The following GLRX5 variants were observed in gnomAD, a reference collection of about 807,000 sequenced individuals.
GLRX5 encodes glutaredoxin 5.
A neutral mutation model predicts 13.8 loss-of-function variants in GLRX5; 10 were observed. The observed-to-expected ratio is 0.72, with a 90% CI of 0.45 to 1.23. The LOEUF is 1.23. Among genes scored for constraint, GLRX5 ranks in the 50% most tolerant of loss-of-function variants. The pLI is 0.00. For missense variants in GLRX5, 233 were observed against 215.2 expected, an observed-to-expected ratio of 1.08 and a Z score of -0.52; for synonymous variants, 98 against 101.1, an observed-to-expected ratio of 0.97 and a Z score of 0.18.
intron 1 of GLRX5, among the ~76,000 whole-genome samples, chr14:95,542,523 AT>A (rs1891489418): frequency 6.6e-6 from 1 of 152,240 alleles, no homozygotes; most frequent in South Asian, 2.1e-4. Context: ...TAAGAAAAAA[AT>A]AAATAGTATA....
intron 1 of GLRX5, among the ~76,000 whole-genome samples, chr14:95,538,695 C>A (rs1279379867): frequency 6.6e-6 from 1 of 152,146 alleles, no homozygotes; most frequent in Non-Finnish European, 1.5e-5. Context: ...TGCAAACTTA[C>A]CCTAGTAAAG....
intron 1 of GLRX5, 135 bp from the exon 2 acceptor site, chr14:95,543,812 C>T: frequency 1.3e-6 from 1 of 753,554 alleles, no homozygotes. Context: ...GTGGCAAGCA[C>T]AGTGTTCTCA....
chr14:95,543,860 G>A, intron 1 of GLRX5, 87 bp from the exon 2 acceptor site: 6 of 1,163,998 alleles, frequency 5.2e-6, no homozygotes, highest in Non-Finnish European at 7.8e-6. Context: ...TGGGTTGTCT[G>A]CTACTAGTGG....
chr14:95,544,267 T>C lies in GLRX5; in HGVS notation c.*142T>C. 1 of 700,296 alleles carries C rather than the reference T, an allele frequency of 1.4e-6. No individual in the cohort carries two copies. Among genetic ancestry groups the C allele is most frequent in the Non-Finnish European group, 2.6e-6 (1 of 386,672 alleles). 43.4% of individuals were successfully genotyped at this position (700,296 alleles called of 1,614,324 possible). ...ATTTTGGTTCGTGAGCAGTTGGTGA[T>C]TTTAGTTGGTCTGGTGTTCGGGCTA... On this transcript the variant is annotated 3_prime_UTR_variant, in exon 2 of 2. Transcript: ENST00000331334.
intron 1 of GLRX5, among the ~76,000 whole-genome samples, chr14:95,539,384 A>G (rs904828596): frequency 6.6e-6 from 1 of 152,210 alleles, no homozygotes; most frequent in Non-Finnish European, 1.5e-5. Context: ...TAGTCACATG[A>G]TGGAAAGCTA....
chr14:95,535,205 G>A lies in GLRX5; in HGVS notation c.116G>A (p.Gly39Asp). ...VRAAGSGAGGGGSAEQLDALV... is the reference protein window; with the variant it reads ...VRAAGSGAGGDGSAEQLDALV... The stretch of plus-strand genomic sequence containing the variant: ...GCGGCGGGCTCGGGCGCGGGCGGCG[G>A]CGGCTCGGCGGAGCAGTTGGACGCG... The change falls in exon 1 of 2, where the codon GGC (glycine) becomes GAC (aspartate). Residue 39 changes from glycine to aspartate, a missense_variant. By Grantham distance (94) the Gly-to-Asp change is moderately conservative. Transcript: ENST00000331334. The A allele has an allele frequency of 6.6e-7, 1 of 1,511,668 alleles. No homozygotes were observed. Among genetic ancestry groups the A allele is most frequent in the Non-Finnish European group, 8.9e-7 (1 of 1,129,834 alleles). 93.6% of individuals were successfully genotyped at this position (1,511,668 alleles called of 1,614,324 possible).
intron 1 of GLRX5, among the ~76,000 whole-genome samples, chr14:95,539,866 C>A (rs762850942): frequency 2.7e-5 from 4 of 149,828 alleles, no homozygotes; most frequent in Non-Finnish European, 5.9e-5. Context: ...ACTCAGTAAT[C>A]CTTAACTCAA....
chr14:95,537,414 G>A (rs74765898), intron 1 of GLRX5, among the ~76,000 whole-genome samples: 8,634 of 152,200 alleles, frequency 0.057, 281 homozygotes, highest in South Asian at 0.12. Flanking sequence ...GTTAATAAAC[G>A]CGTTGCATAT....
At chr14:95,538,289 G>A (rs551454850) in intron 1 of GLRX5, among the ~76,000 whole-genome samples, 4 of 152,110 alleles carry the variant, frequency 2.6e-5, no homozygotes, top group East Asian at 3.9e-4. Flanking sequence ...CAAACTCTGC[G>A]GCCTTAAAGG....
At chr14:95,535,732 G>A (rs1039949338) in intron 1 of GLRX5, among the ~76,000 whole-genome samples, 6 of 152,190 alleles carry the variant, frequency 3.9e-5, no homozygotes, top group Non-Finnish European at 8.8e-5. Flanking sequence ...CTGCCTGACT[G>A]CTCTGCACGG....
chr14:95,535,823 C>G (rs1226262323), intron 1 of GLRX5, among the ~76,000 whole-genome samples: 1 of 152,100 alleles, frequency 6.6e-6, no homozygotes, highest in Admixed American at 6.5e-5. Context: ...CATTGGCCTA[C>G]TCGTGGGTAA....
At chr14:95,538,185 G>T (rs1223430566) in intron 1 of GLRX5, among the ~76,000 whole-genome samples, 1 of 151,988 alleles carries the variant, frequency 6.6e-6, no homozygotes, top group Non-Finnish European at 1.5e-5. Flanking sequence ...TTATGCCACT[G>T]CCTGTGGTGC....
At chr14:95,541,540 A>T (rs1891473077) in intron 1 of GLRX5, among the ~76,000 whole-genome samples, 1 of 152,216 alleles carries the variant, frequency 6.6e-6, no homozygotes, top group Non-Finnish European at 1.5e-5. Context: ...GCTGTCAAGA[A>T]CAGGCAGGTG....
rs747574945 is a variant in GLRX5, at chr14:95,544,151, A to G, written c.*26A>G. 1.8e-5 allele frequency: 29 copies of G among 1,601,722 alleles called. No homozygotes were observed. Among genetic ancestry groups the G allele is most frequent in the Non-Finnish European group, 2.4e-5 (28 of 1,170,348 alleles). ...GGGCGGCCAAGTCCTCGCTGAGCAG[A>G]GAGGGAGCCGTTCATGTCAGAGACT... On this transcript the variant is annotated 3_prime_UTR_variant, in exon 2 of 2. Coordinates refer to ENST00000331334, the MANE Select transcript of GLRX5 (RefSeq NM_016417.3).
chr14:95,535,232 T>C lies in GLRX5; in HGVS notation c.143T>C (p.Leu48Pro). Residue 48 changes from leucine to proline, a missense_variant, in exon 1 of 2, where the codon CTG (leucine) becomes CCG (proline). By Grantham distance (98) the Leu-to-Pro change is moderately conservative (BLOSUM62 -3). Transcript: ENST00000331334. ...GGGSAEQLDA[L>P]VKKDKVVVFL... ...GGCTCGGCGGAGCAGTTGGACGCGCTGGTGAAGAAGGACAAGGTGGTGGTC... is the reference window on the plus strand; with the variant it reads ...GGCTCGGCGGAGCAGTTGGACGCGCCGGTGAAGAAGGACAAGGTGGTGGTC... The C allele has an allele frequency of 6.4e-7, 1 of 1,559,108 alleles. No homozygotes were observed. The highest frequency in any genetic ancestry group is 1.4e-5 in the African/African-American group (1 of 72,906).
chr14:95,537,949 A>G (rs997912126), intron 1 of GLRX5, among the ~76,000 whole-genome samples: 1 of 152,228 alleles, frequency 6.6e-6, no homozygotes. Flanking sequence ...GTCCCAGTAG[A>G]CTGACATCAT....
intron 1 of GLRX5, among the ~76,000 whole-genome samples, chr14:95,541,409 G>A (rs1262878218): frequency 6.6e-6 from 1 of 152,200 alleles, no homozygotes; most frequent in African/African-American, 2.4e-5. Flanking sequence ...TCTTAAAAAT[G>A]GAAAAGAGCA....
At chr14:95,540,852 A>G (rs1891462514) in intron 1 of GLRX5, among the ~76,000 whole-genome samples, 1 of 152,234 alleles carries the variant, frequency 6.6e-6, no homozygotes, top group African/African-American at 2.4e-5. Context: ...AATGTGATGA[A>G]TTTTGAAAAA....
chr14:95,540,020 G>C (rs1344760264), intron 1 of GLRX5, among the ~76,000 whole-genome samples: 2 of 152,028 alleles, frequency 1.3e-5, no homozygotes, highest in East Asian at 3.9e-4. Flanking sequence ...CTCCCAAGGA[G>C]CTGGGATTGC....
Sources: gnomAD v4.1 joint callset for allele counts (sites outside exome capture counted in the v4.1 genomes callset) on GRCh38, gnomAD v4.1.1 for gene constraint, MANE v1.5 for transcripts, NCBI Gene and HGNC (gene_info 2026-07-23, HGNC 2026-07-21) for gene names.